ANKRD44: variants seen among roughly 807,000 people sequenced by gnomAD.
ANKRD44 encodes the protein serine/threonine-protein phosphatase 6 regulatory ankyrin repeat subunit B.
A neutral mutation model predicts 116.0 loss-of-function variants in ANKRD44; 35 were observed. The observed-to-expected ratio is 0.30, with a 90% confidence interval of 0.23 to 0.40. The LOEUF is 0.40. Ranked by LOEUF, ANKRD44 falls within the 10% of genes least tolerant of loss-of-function variation. The probability of loss-of-function intolerance (pLI) is 1.00; values close to 1 mark genes in which losing one functional copy is unlikely to be tolerated. For synonymous variants in ANKRD44, 435 were observed against 461.8 expected, an observed-to-expected ratio of 0.94 and a Z score of 0.74; for missense variants, 1,014 against 1,242.6, an observed-to-expected ratio of 0.82 and a Z score of 2.77.
intron 21 of ANKRD44, among the ~76,000 whole-genome samples, chr2:197,003,791 G>A (rs796311916): frequency 3.3e-5 from 5 of 152,076 alleles, no homozygotes; most frequent in African/African-American, 1.2e-4. Context: ...GTGCCAGAGA[G>A]CTCCCACAGC....
At chr2:197,136,703 A>G in intron 3 of ANKRD44, 41 bp from the exon 4 acceptor site, 4 of 1,571,614 alleles carry the variant, frequency 2.5e-6, no homozygotes, top group Non-Finnish European at 2.6e-6. Flanking sequence ...AATGGGGTCA[A>G]GGGAAGCCCT....
chr2:197,072,585 A>G (rs137865968), intron 16 of ANKRD44, among the ~76,000 whole-genome samples: 8 of 152,260 alleles, frequency 5.3e-5, no homozygotes, highest in Non-Finnish European at 8.8e-5. Context: ...ATGTTTTATC[A>G]CTAAATAAAG....
At chr2:197,153,239 A>AAG (rs1553518754) in intron 2 of ANKRD44, among the ~76,000 whole-genome samples, 5 of 125,874 alleles carry the variant, frequency 4.0e-5, no homozygotes, top group Non-Finnish European at 5.3e-5. Context: ...AAAAAAAAAA[A>AAG]AAAAAAAAGA....
intron 1 of ANKRD44, among the ~76,000 whole-genome samples, chr2:197,210,537 G>C (rs1367977393): frequency 6.6e-6 from 1 of 152,126 alleles, no homozygotes; most frequent in African/African-American, 2.4e-5. Context: ...AGACACACTT[G>C]GTACACTCAG....
chr2:197,012,949 G>A (rs2076325556), intron 18 of ANKRD44, among the ~76,000 whole-genome samples: 1 of 152,088 alleles, frequency 6.6e-6, no homozygotes, highest in African/African-American at 2.4e-5. Flanking sequence ...TCATGGGCAT[G>A]GAAGAAAAAT....
At chr2:197,257,231 A>G (rs904491085) in intron 1 of ANKRD44, among the ~76,000 whole-genome samples, 7 of 152,228 alleles carry the variant, frequency 4.6e-5, no homozygotes, top group African/African-American at 1.7e-4. Context: ...ATCATTTTGC[A>G]AAGGAAGTCA....
At chr2:197,085,402 G>A (rs780994348) in intron 13 of ANKRD44, among the ~76,000 whole-genome samples, 36 of 152,102 alleles carry the variant, frequency 2.4e-4, no homozygotes, top group Non-Finnish European at 4.9e-4. Flanking sequence ...ATAAGGGCTG[G>A]GTAAAATGAG....
chr2:197,243,969 A>G (rs1387785289), intron 1 of ANKRD44, among the ~76,000 whole-genome samples: 1 of 152,260 alleles, frequency 6.6e-6, no homozygotes, highest in African/African-American at 2.4e-5. Flanking sequence ...GAAATCGTAT[A>G]GTATTATGAA....
chr2:197,180,389 C>CA (rs1220104333), intron 2 of ANKRD44, among the ~76,000 whole-genome samples: 5 of 152,218 alleles, frequency 3.3e-5, no homozygotes, highest in Non-Finnish European at 4.4e-5. Context: ...GGCCACACTG[C>CA]ACCTGCATTC....
chr2:197,172,356 C>G (rs932381078), intron 2 of ANKRD44, among the ~76,000 whole-genome samples: 4 of 152,112 alleles, frequency 2.6e-5, no homozygotes, highest in Non-Finnish European at 5.9e-5. Flanking sequence ...GGTAGGTAAG[C>G]TGAAAAGCTC....
At chr2:197,066,943 C>T (rs545082602) in intron 16 of ANKRD44, among the ~76,000 whole-genome samples, 1 of 152,168 alleles carries the variant, frequency 6.6e-6, no homozygotes, top group Non-Finnish European at 1.5e-5. Context: ...CTTTAAAGTT[C>T]ACATGGAACC....
intron 17 of ANKRD44, among the ~76,000 whole-genome samples, chr2:197,018,096 C>T (rs927704665): frequency 1.2e-4 from 18 of 152,278 alleles, no homozygotes; most frequent in African/African-American, 3.6e-4. Flanking sequence ...TTCTTCTCAC[C>T]GCATCACCAA....
At chr2:197,097,495 G>C (rs1444539631) in intron 10 of ANKRD44, among the ~76,000 whole-genome samples, 1 of 144,734 alleles carries the variant, frequency 6.9e-6, no homozygotes, top group African/African-American at 2.6e-5. Context: ...AAACTGAGAG[G>C]CTTATTTTAA....
intron 10 of ANKRD44, chr2:197,099,615 A>G: frequency 8.6e-6 from 11 of 1,281,690 alleles, no homozygotes; most frequent in Non-Finnish European, 1.1e-5. Flanking sequence ...CATTTGGATG[A>G]AGCTAAAAAA....
intron 17 of ANKRD44, among the ~76,000 whole-genome samples, chr2:197,014,071 C>G (rs1168982526): frequency 6.6e-6 from 1 of 152,190 alleles, no homozygotes; most frequent in East Asian, 1.9e-4. Context: ...TCAGTTCAGT[C>G]CTAAACATAT....
At chr2:197,065,295 T>A (rs932129307) in intron 16 of ANKRD44, among the ~76,000 whole-genome samples, 7 of 152,136 alleles carry the variant, frequency 4.6e-5, no homozygotes, top group African/African-American at 1.7e-4. Flanking sequence ...CTGGGACACA[T>A]TTAAAGCAGT....
chr2:197,227,329 G>A (rs761758071), intron 1 of ANKRD44, among the ~76,000 whole-genome samples: 7 of 152,220 alleles, frequency 4.6e-5, no homozygotes, highest in Non-Finnish European at 1.0e-4. Context: ...AGCAATAGCT[G>A]GACCGAGGAC....
At chr2:197,239,286 C>G (rs979366945) in intron 1 of ANKRD44, among the ~76,000 whole-genome samples, 2 of 152,184 alleles carry the variant, frequency 1.3e-5, no homozygotes, top group African/African-American at 4.8e-5. Flanking sequence ...CTCAGTCACC[C>G]AGGCTAGAGA....
chr2:197,150,937 G>A (rs2079630926), intron 2 of ANKRD44, among the ~76,000 whole-genome samples: 2 of 152,132 alleles, frequency 1.3e-5, no homozygotes, highest in Admixed American at 6.5e-5. Flanking sequence ...AAACACTCAC[G>A]TAGGCAGATG....
Sources: gnomAD v4.1 joint callset for allele counts (sites outside exome capture counted in the v4.1 genomes callset) on GRCh38, gnomAD v4.1.1 for gene constraint, MANE v1.5 for transcripts, NCBI Gene and HGNC (gene_info 2026-07-23, HGNC 2026-07-21) for gene names.